CADM1: variants seen among roughly 807,000 people sequenced by gnomAD.
CADM1 encodes the protein TSLC-1.
CADM1 carries 15 observed loss-of-function variants against 53.1 expected under a neutral mutation model. That is an observed-to-expected ratio of 0.28 (90% CI 0.19 to 0.44). CADM1 has a LOEUF of 0.44. CADM1 is among the 20% of genes least tolerant of loss of function. CADM1 has a pLI of 1.00. For missense variants in CADM1, 434 were observed against 611.3 expected (o/e 0.71, Z 3.06); for synonymous variants, 281 against 243.0 (o/e 1.16, Z -1.45).
intron 1 of CADM1, among the ~76,000 whole-genome samples, chr11:115,258,590 G>T (rs779479336): frequency 6.6e-6 from 1 of 152,112 alleles, no homozygotes; most frequent in African/African-American, 2.4e-5. Context: ...TTAGAGCCAG[G>T]CCCAGAGTCC....
chr11:115,185,194 C>A (rs763246066), intron 10 of CADM1, among the ~76,000 whole-genome samples: 9 of 152,178 alleles, frequency 5.9e-5, no homozygotes, highest in Non-Finnish European at 1.0e-4. Flanking sequence ...ATTCAAATCT[C>A]CTGTATTAGA....
chr11:115,358,368 C>T (rs1945933626), intron 1 of CADM1, among the ~76,000 whole-genome samples: 1 of 152,196 alleles, frequency 6.6e-6, no homozygotes, highest in African/African-American at 2.4e-5. Context: ...GCCTTACAAT[C>T]ATGGCGGAAG....
chr11:115,360,539 CG>C (rs2135092250), intron 1 of CADM1, among the ~76,000 whole-genome samples: 1 of 152,288 alleles, frequency 6.6e-6, no homozygotes, highest in South Asian at 2.1e-4. Flanking sequence ...TAAGCGACTA[CG>C]GCAGATGAAA....
intron 1 of CADM1, among the ~76,000 whole-genome samples, chr11:115,408,640 C>A (rs1947377237): frequency 6.6e-6 from 1 of 152,170 alleles, no homozygotes; most frequent in African/African-American, 2.4e-5. Context: ...TTCTACATAG[C>A]CCCTCCTCCT....
intron 1 of CADM1, among the ~76,000 whole-genome samples, chr11:115,490,915 A>G (rs1441375342): frequency 6.6e-6 from 1 of 152,184 alleles, no homozygotes; most frequent in African/African-American, 2.4e-5. Context: ...TGAGGATTAA[A>G]TGAGATCATG....
intron 5 of CADM1, 33 bp from the exon 6 acceptor site, chr11:115,218,024 G>T: frequency 6.6e-7 from 1 of 1,504,106 alleles, no homozygotes; most frequent in Non-Finnish European, 9.3e-7. Context: ...ATAATGTTTA[G>T]CAAATGATAT....
chr11:115,178,970 G>A lies in CADM1; in HGVS notation c.1166-195C>T, dbSNP rs138182845. On this transcript the variant is annotated intron_variant, in intron 10 of 11. Transcript: ENST00000331581. ...TGCTGAATCGATCTGTTCTCCCCAC[G>A]AGGCAATTTCATGATAAGCAGCATA... The A allele has an allele frequency of 4.2e-5, 27 of 640,126 alleles. No individual in the cohort carries two copies. The East Asian group carries it at 5.5e-4, about 13-fold the overall frequency. The allele number at this position is 640,126 out of a possible 1,614,324, so 39.7% of individuals were successfully genotyped here.
chr11:115,330,435 T>C (rs1231979339), intron 1 of CADM1, among the ~76,000 whole-genome samples: 2 of 152,200 alleles, frequency 1.3e-5, no homozygotes, highest in East Asian at 3.9e-4. Context: ...TAATTATTCA[T>C]CTATAATGTG....
At chr11:115,259,136 C>T (rs1942885467) in intron 1 of CADM1, among the ~76,000 whole-genome samples, 1 of 152,026 alleles carries the variant, frequency 6.6e-6, no homozygotes, top group South Asian at 2.1e-4. Flanking sequence ...TAGAAGCGTG[C>T]CACCACGCCC....
chr11:115,184,742 T>C (rs975988148), intron 10 of CADM1, among the ~76,000 whole-genome samples: 1 of 152,236 alleles, frequency 6.6e-6, no homozygotes, highest in Non-Finnish European at 1.5e-5. Context: ...TATGTTAAGC[T>C]ACTTAAAGGA....
At position 115,504,344 on chromosome 11, in the gene CADM1, C is replaced by CGCCGCT; in HGVS notation, c.45_50dup (p.Ala19_Ala20dup). The CGCCGCT allele has an allele frequency of 1.3e-6, 2 of 1,548,814 alleles. No individual in the cohort carries two copies. The highest frequency in any genetic ancestry group is 1.4e-5 in the African/African-American group (1 of 73,138). ...GCCGGAGCCCGGGAGGCGCCGCCGCCGCCGCTGCCGCCGCACACTGGGATC... is the reference window on the plus strand; with the variant it reads ...GCCGGAGCCCGGGAGGCGCCGCCGCCGCCGCTGCCGCTGCCGCCGCACACTGGGATC... On this transcript the variant is annotated inframe_insertion, in exon 1 of 12. Coordinates refer to ENST00000331581, the MANE Select transcript of CADM1 (RefSeq NM_001301043.2).
At chr11:115,350,196 C>T (rs898764784) in intron 1 of CADM1, among the ~76,000 whole-genome samples, 19 of 152,178 alleles carry the variant, frequency 1.2e-4, no homozygotes, top group African/African-American at 4.6e-4. Flanking sequence ...GTCTCGAACT[C>T]CCAACTTCAG....
intron 1 of CADM1, among the ~76,000 whole-genome samples, chr11:115,412,484 C>A (rs1947483383): frequency 1.3e-5 from 2 of 152,186 alleles, no homozygotes; most frequent in Non-Finnish European, 2.9e-5. Context: ...CAGGCGTGAG[C>A]CACTGTGCAC....
intron 1 of CADM1, among the ~76,000 whole-genome samples, chr11:115,293,077 A>C (rs553892544): frequency 6.6e-6 from 1 of 152,318 alleles, no homozygotes; most frequent in African/African-American, 2.4e-5. Context: ...ACTGTGAAGA[A>C]ACGACATTAA....
In CADM1 at chr11:115,174,263, GTGAT is replaced by G. The variant is rs1938911359; in HGVS notation, c.*2207_*2210del. The stretch of plus-strand genomic sequence containing the variant: ...AGATGCCAATTCTGTGAGCAATGGT[GTGAT>G]TTTTTTTTTTTGTTTTTGTTTTTGT... On this transcript the variant is annotated 3_prime_UTR_variant, in exon 12 of 12. Coordinates refer to ENST00000331581, the MANE Select transcript of CADM1 (RefSeq NM_001301043.2). 6 of 954,278 alleles carry G rather than the reference GTGAT, an allele frequency of 6.3e-6. No individual in the cohort carries two copies. Among genetic ancestry groups the G allele is most frequent in the African/African-American group, 2.0e-5 (1 of 49,114 alleles). The allele number at this position is 954,278 out of a possible 1,614,324, so 59.1% of individuals were successfully genotyped here.
intron 1 of CADM1, among the ~76,000 whole-genome samples, chr11:115,373,583 C>CA (rs35059216): frequency 0.077 from 3,750 of 48,750 alleles, 512 homozygotes; most frequent in African/African-American, 0.087. Flanking sequence ...GACTCTGTCT[C>CA]AAAAAAAAAA....
At chr11:115,177,187 A>C (rs756008748) in intron 11 of CADM1, among the ~76,000 whole-genome samples, 15 of 152,222 alleles carry the variant, frequency 9.9e-5, no homozygotes, top group Non-Finnish European at 2.2e-4. Context: ...AGAATTTGAC[A>C]TTATAATAGC....
chr11:115,239,801 C>T (rs1377527721), intron 2 of CADM1, among the ~76,000 whole-genome samples: 3 of 151,546 alleles, frequency 2.0e-5, no homozygotes, highest in Admixed American at 6.6e-5. Flanking sequence ...AAGTCCATTG[C>T]AATTTTGTTT....
At chr11:115,436,169 A>G (rs866113360) in intron 1 of CADM1, among the ~76,000 whole-genome samples, 1 of 152,190 alleles carries the variant, frequency 6.6e-6, no homozygotes, top group Non-Finnish European at 1.5e-5. Flanking sequence ...ACACACATAC[A>G]TACATATTCC....
Sources: allele counts gnomAD v4.1 joint callset (sites outside exome capture counted in the v4.1 genomes callset), GRCh38; gene constraint gnomAD v4.1.1; transcripts MANE v1.5; gene names NCBI Gene and HGNC (gene_info 2026-07-23, HGNC 2026-07-21).